Variants in ZMAT4 observed in about 807,000 individuals in gnomAD.
ZMAT4 encodes zinc finger matrin-type 4.
A neutral mutation model predicts 28.7 loss-of-function variants in ZMAT4; 17 were observed. The ratio of observed to expected loss-of-function variants is 0.59; its 90% CI spans 0.41 to 0.89. The LOEUF (loss-of-function observed/expected upper bound fraction) is 0.89, where lower values mean the gene tolerates loss of function less well. Among genes scored for constraint, ZMAT4 ranks in the 40% least tolerant of loss-of-function variants. The probability of loss-of-function intolerance (pLI) is 0.00; values close to 1 mark genes in which losing one functional copy is unlikely to be tolerated. For synonymous variants in ZMAT4, 117 were observed against 109.2 expected, an observed-to-expected ratio of 1.07 and a Z score of -0.44; for missense variants, 240 against 283.8, an observed-to-expected ratio of 0.85 and a Z score of 1.11.
chr8:40,870,040 G>A (rs1429013466), intron 1 of ZMAT4, among the ~76,000 whole-genome samples: 1 of 152,148 alleles, frequency 6.6e-6, no homozygotes, highest in East Asian at 1.9e-4. Flanking sequence ...CATATTTTGG[G>A]CTGGTTATTC....
chr8:40,724,117 G>A (rs1013068075), intron 3 of ZMAT4, among the ~76,000 whole-genome samples: 2 of 152,000 alleles, frequency 1.3e-5, no homozygotes, highest in South Asian at 4.2e-4. Flanking sequence ...AGATTTCTCT[G>A]CACAAAAGAC....
intron 4 of ZMAT4, among the ~76,000 whole-genome samples, chr8:40,679,289 T>C (rs1443248655): frequency 6.6e-6 from 1 of 152,178 alleles, no homozygotes. Context: ...ATTTATTCCA[T>C]GCATAATAAT....
intron 3 of ZMAT4, among the ~76,000 whole-genome samples, chr8:40,714,295 G>A (rs1411975180): frequency 1.3e-5 from 2 of 152,124 alleles, no homozygotes; most frequent in Non-Finnish European, 2.9e-5. Flanking sequence ...GATTGCTAAG[G>A]TGCCGATTAT....
At chr8:40,581,352 G>A (rs1804459803) in intron 5 of ZMAT4, 91 bp from the exon 6 acceptor site, 1 of 1,085,792 alleles carries the variant, frequency 9.2e-7, no homozygotes, top group African/African-American at 1.5e-5. Context: ...GGGACACAGT[G>A]TCGGAGATAA....
intron 1 of ZMAT4, among the ~76,000 whole-genome samples, chr8:40,871,126 A>G (rs1463948645): frequency 6.6e-6 from 1 of 152,204 alleles, no homozygotes; most frequent in Non-Finnish European, 1.5e-5. Flanking sequence ...CTGCCCACTC[A>G]TTCAGGTAAA....
At chr8:40,532,278 A>G (rs763631664) in intron 6 of ZMAT4, 40 bp from the exon 7 acceptor site, 4 of 1,559,952 alleles carry the variant, frequency 2.6e-6, no homozygotes, top group Non-Finnish European at 2.6e-6. Context: ...CTTCTTTCAT[A>G]ATTACAAATT....
Position 40,574,386 on chromosome 8 carries a change from A to T in ZMAT4, c.674+6779T>A, listed in dbSNP as rs187256446. On this transcript the variant is annotated intron_variant, in intron 6 of 6. Coordinates refer to ENST00000297737, the MANE Select transcript of ZMAT4 (RefSeq NM_024645.3). ...AAGTATCTAATAATATACTTTGACT[A>T]TATAAAACCAAAAAATATACAGAAA... Among the ~76,000 whole-genome samples, 687 of 152,244 alleles carry T rather than the reference A, an allele frequency of 4.5e-3. 3 individuals carry two copies. The highest frequency in any genetic ancestry group is 0.014 in the Middle Eastern group (4 of 294).
At chr8:40,534,974 C>T (rs1378208112) in intron 6 of ZMAT4, among the ~76,000 whole-genome samples, 4 of 152,068 alleles carry the variant, frequency 2.6e-5, no homozygotes, top group African/African-American at 4.8e-5. Flanking sequence ...TGAGCCACTG[C>T]GTCCGGCCCA....
intron 4 of ZMAT4, chr8:40,696,854 A>T (rs1405914987): frequency 6.3e-6 from 1 of 158,236 alleles, no homozygotes; most frequent in Non-Finnish European, 1.4e-5. Context: ...TGCATTATAG[A>T]CATTGGTAGG....
intron 5 of ZMAT4, among the ~76,000 whole-genome samples, chr8:40,658,619 TACACACACACACACAC>T (rs3038825): frequency 3.1e-4 from 45 of 145,588 alleles, no homozygotes; most frequent in African/African-American, 7.6e-4. Flanking sequence ...GTTAGACACA[TACACACACACACACAC>T]ACACACACAC....
At chr8:40,656,578 T>A (rs544752306) in intron 5 of ZMAT4, among the ~76,000 whole-genome samples, 1 of 152,180 alleles carries the variant, frequency 6.6e-6, no homozygotes, top group African/African-American at 2.4e-5. Context: ...TGTACCTACA[T>A]AATAAAATAT....
intron 5 of ZMAT4, among the ~76,000 whole-genome samples, chr8:40,601,758 T>C (rs1585742562): frequency 6.7e-6 from 1 of 149,762 alleles, no homozygotes; most frequent in African/African-American, 2.5e-5. Flanking sequence ...CAGGCAAAGG[T>C]AGAAGGCAAG....
intron 6 of ZMAT4, among the ~76,000 whole-genome samples, chr8:40,570,517 A>T (rs976945071): frequency 6.6e-6 from 1 of 152,032 alleles, no homozygotes; most frequent in African/African-American, 2.4e-5. Context: ...CGGGCCACAC[A>T]GCAAAACCCC....
At chr8:40,582,387 C>T (rs937595285) in intron 5 of ZMAT4, among the ~76,000 whole-genome samples, 1 of 152,090 alleles carries the variant, frequency 6.6e-6, no homozygotes, top group Non-Finnish European at 1.5e-5. Context: ...GTAGTCCTAG[C>T]TACTCAGGAG....
chr8:40,567,742 C>CTT (rs1803967014), intron 6 of ZMAT4, among the ~76,000 whole-genome samples: 3 of 151,598 alleles, frequency 2.0e-5, no homozygotes, highest in Admixed American at 2.0e-4. Flanking sequence ...CCCCAAAACT[C>CTT]TTTAAAATGT....
chr8:40,599,611 G>A lies in ZMAT4; in HGVS notation c.578-18350C>T, dbSNP rs115995346. ...TGATGAAATACCATCTTAAGGAAAT[G>A]TCAGCTTCCCTTCAACCTGACAGCT... On this transcript the variant is annotated intron_variant, in intron 5 of 6. Coordinates refer to ENST00000297737, the MANE Select transcript of ZMAT4 (RefSeq NM_024645.3). Among the ~76,000 whole-genome samples the A allele has an allele frequency of 3.7e-3, 562 of 152,330 alleles. 2 individuals are homozygous for A. Among genetic ancestry groups the A allele is most frequent in the African/African-American group, 0.013 (538 of 41,576 alleles).
chr8:40,661,831 A>G (rs142569073), intron 5 of ZMAT4, among the ~76,000 whole-genome samples: 97 of 152,350 alleles, frequency 6.4e-4, no homozygotes, highest in African/African-American at 2.2e-3. Context: ...AGCTTAAACT[A>G]AACAATAGAG....
At chr8:40,710,517 G>A (rs4380925) in intron 3 of ZMAT4, among the ~76,000 whole-genome samples, 1 of 151,786 alleles carries the variant, frequency 6.6e-6, no homozygotes, top group Non-Finnish European at 1.5e-5. Flanking sequence ...AGTGAAGAGG[G>A]CTTAAAAACA....
chr8:40,549,591 G>A lies in ZMAT4; in HGVS notation c.675-17353C>T, dbSNP rs539328470. Among the ~76,000 whole-genome samples, 11 of 152,034 alleles carry A rather than the reference G, an allele frequency of 7.2e-5. 1 individual carries two copies. Among genetic ancestry groups the A allele is most frequent in the Admixed American group, 3.9e-4 (6 of 15,240 alleles). On this transcript the variant is annotated intron_variant, in intron 6 of 6. Transcript: ENST00000297737. The stretch of plus-strand genomic sequence containing the variant: ...AATCAGAGATTCCTCACACACAACT[G>A]GTGATCCAGTGATGTTAATTCTACT...
Sources: allele counts gnomAD v4.1 joint callset (sites outside exome capture counted in the v4.1 genomes callset), GRCh38; gene constraint gnomAD v4.1.1; transcripts MANE v1.5; gene names NCBI Gene and HGNC (gene_info 2026-07-23, HGNC 2026-07-21).